RGSL1: variants seen among roughly 807,000 people sequenced by gnomAD.
RGSL1 encodes the protein regulator of G protein signaling protein-like.
RGSL1 carries 97 observed loss-of-function variants against 124.7 expected under a neutral mutation model. The observed-to-expected ratio is 0.78, with a 90% CI of 0.66 to 0.92. The LOEUF is 0.92. RGSL1 is among the 40% of genes least tolerant of loss of function. The pLI, the probability that RGSL1 is intolerant of heterozygous loss-of-function variation, is 0.00. For synonymous variants in RGSL1, 424 were observed against 438.1 expected (o/e 0.97, Z 0.40); for missense variants, 1,233 against 1,288.4 (o/e 0.96, Z 0.66).
intron 15 of RGSL1, among the ~76,000 whole-genome samples, chr1:182,543,245 A>T (rs554945600): frequency 2.0e-4 from 31 of 152,146 alleles, no homozygotes; most frequent in African/African-American, 6.3e-4. Context: ...CAATTTGTTG[A>T]TGGTTTTTAC....
chr1:182,522,210 C>A (rs952284697), intron 10 of RGSL1, 101 bp downstream of exon 10: 9 of 794,858 alleles, frequency 1.1e-5, no homozygotes, highest in Admixed American at 8.0e-5. Flanking sequence ...TGTAGGTTTT[C>A]AGACCCTTTT....
intron 21 of RGSL1, among the ~76,000 whole-genome samples, chr1:182,557,350 G>T (rs1468577375): frequency 1.3e-5 from 2 of 152,140 alleles, no homozygotes; most frequent in African/African-American, 4.8e-5. Context: ...CAAGACCCCA[G>T]GTAAGGAATA....
intron 1 of RGSL1, among the ~76,000 whole-genome samples, chr1:182,452,166 T>C (rs1464991330): frequency 1.3e-5 from 2 of 152,074 alleles, no homozygotes; most frequent in African/African-American, 4.8e-5. Context: ...ATTGAACATG[T>C]TGAGATGAAA....
intron 8 of RGSL1, among the ~76,000 whole-genome samples, chr1:182,490,144 T>C (rs1296728011): frequency 2.0e-5 from 3 of 152,208 alleles, no homozygotes. Flanking sequence ...ATATAAAAGC[T>C]AACAATGTCA....
upstream of RGSL1, chr1:182,449,162 G>A (rs542311512): frequency 3.9e-5 from 6 of 152,186 alleles, no homozygotes; most frequent in Non-Finnish European, 5.9e-5. Flanking sequence ...GATTGAAGAA[G>A]TATGGTAAGC....
intron 4 of RGSL1, 95 bp downstream of exon 4, chr1:182,460,228 ATG>A (rs369221755): frequency 9.1e-3 from 11,851 of 1,301,830 alleles, no homozygotes; most frequent in East Asian, 0.013. Context: ...TTATGCCTGT[ATG>A]TGTGTGTGTG....
intron 2 of RGSL1, among the ~76,000 whole-genome samples, chr1:182,457,052 T>TA (rs1160865619): frequency 2.0e-5 from 3 of 151,818 alleles, no homozygotes; most frequent in African/African-American, 7.3e-5. Context: ...GAGGCTGAGG[T>TA]AGGAGAATCA....
chr1:182,502,316 C>T (rs1656456067), intron 9 of RGSL1, among the ~76,000 whole-genome samples: 1 of 152,160 alleles, frequency 6.6e-6, no homozygotes, highest in South Asian at 2.1e-4. Flanking sequence ...TGCAGTGGCT[C>T]ATACCTGTAA....
Position 182,527,912 on chromosome 1 carries a change from T to C in RGSL1, c.2125+140T>C, listed in dbSNP as rs909400270. The C allele has an allele frequency of 6.4e-6, 4 of 620,966 alleles. No homozygotes were observed. In the African/African-American group the frequency reaches 7.4e-5, roughly 12 times the overall value. The allele number at this position is 620,966 out of a possible 1,614,324, so 38.5% of individuals were successfully genotyped here. ...CACATGGGGCAATATTGAGACAGAT[T>C]AAGAGGGTAGGCAAAAGCAGAGAAC... On this transcript the variant is annotated intron_variant, in intron 11 of 21. Coordinates refer to ENST00000294854, the MANE Select transcript of RGSL1 (RefSeq NM_001137669.2).
rs1654042713 is a variant in RGSL1, at chr1:182,473,738, T to C, written c.627T>C (p.His209=). ...CCATGGCCAAGGAGGAAGCATGCCA[T>C]GGTCTGATGCAAGAGTACGAGACTC... ...KMTMAKEEAC[H]GLMQEYETRL... Residue 209 remains histidine (H), a synonymous_variant, in exon 6 of 22, where the codon CAT becomes CAC. Transcript: ENST00000294854. 1.3e-6 allele frequency: 2 copies of C among 1,551,788 alleles called. No individual in the cohort carries two copies. The highest frequency in any genetic ancestry group is 1.7e-6 in the Non-Finnish European group (2 of 1,147,004).
At chr1:182,456,614 A>G (rs1403269957) in intron 2 of RGSL1, among the ~76,000 whole-genome samples, 1 of 152,080 alleles carries the variant, frequency 6.6e-6, no homozygotes, top group Non-Finnish European at 1.5e-5. Context: ...TAATCTTAAG[A>G]CCCGTTAATC....
chr1:182,475,017 C>A (rs1558266195), intron 6 of RGSL1, among the ~76,000 whole-genome samples: 1 of 152,154 alleles, frequency 6.6e-6, no homozygotes, highest in Non-Finnish European at 1.5e-5. Flanking sequence ...TTGGGGACCG[C>A]TGTCTCAAGG....
intron 6 of RGSL1, among the ~76,000 whole-genome samples, chr1:182,483,959 G>A (rs1235997877): frequency 6.6e-6 from 1 of 152,168 alleles, no homozygotes; most frequent in African/African-American, 2.4e-5. Context: ...TTGGGAACCT[G>A]AGCCAATAGG....
chr1:182,546,553 C>T (rs1660222649), intron 15 of RGSL1, among the ~76,000 whole-genome samples: 1 of 152,034 alleles, frequency 6.6e-6, no homozygotes, highest in Non-Finnish European at 1.5e-5. Context: ...GCCACCACGC[C>T]CAGCTAATTT....
intron 20 of RGSL1, chr1:182,555,815 A>C: frequency 1.7e-6 from 1 of 582,240 alleles, no homozygotes; most frequent in South Asian, 2.2e-5. Context: ...AGCTCTTTAC[A>C]CTGGAAAAGC....
intron 8 of RGSL1, among the ~76,000 whole-genome samples, chr1:182,489,636 CAT>C: frequency 6.6e-6 from 1 of 152,364 alleles, no homozygotes; most frequent in Admixed American, 6.5e-5. Context: ...GCTTCCCTAA[CAT>C]AACACACCAG....
At chr1:182,546,591 A>T (rs897250577) in intron 15 of RGSL1, among the ~76,000 whole-genome samples, 4 of 152,076 alleles carry the variant, frequency 2.6e-5, no homozygotes, top group African/African-American at 9.7e-5. Flanking sequence ...ATGTGGTTTC[A>T]CCATGTTGGC....
chr1:182,489,235 T>A, intron 8 of RGSL1, 33 bp downstream of exon 8: 1 of 1,477,216 alleles, frequency 6.8e-7, no homozygotes. Flanking sequence ...TTTTGACCTT[T>A]ACATATGGGC....
intron 17 of RGSL1, chr1:182,549,036 G>A (rs1660402007): frequency 3.9e-6 from 2 of 508,194 alleles, no homozygotes; most frequent in Admixed American, 7.8e-5. Flanking sequence ...GTAAGACTGA[G>A]AGCCAAACGC....
Sources: gnomAD v4.1 joint callset for allele counts (sites outside exome capture counted in the v4.1 genomes callset) on GRCh38, gnomAD v4.1.1 for gene constraint, MANE v1.5 for transcripts, NCBI Gene and HGNC (gene_info 2026-07-23, HGNC 2026-07-21) for gene names.